NIPA1: variants seen among roughly 807,000 people sequenced by gnomAD.
NIPA1 encodes magnesium transporter NIPA1.
NIPA1 carries 13 observed loss-of-function variants against 23.9 expected under a neutral mutation model. The ratio of observed to expected loss-of-function variants is 0.54; its 90% CI spans 0.35 to 0.87. NIPA1 has a LOEUF of 0.87. Ranked by LOEUF, NIPA1 falls within the 40% of genes least tolerant of loss-of-function variation. The probability of loss-of-function intolerance (pLI) is 0.01; values close to 1 mark genes in which losing one functional copy is unlikely to be tolerated. For synonymous variants in NIPA1, 234 were observed against 202.9 expected (o/e 1.15, Z -1.30); for missense variants, 362 against 429.7 (o/e 0.84, Z 1.39).
Position 22,824,459 on chromosome 15 carries a change from T to G in NIPA1, c.*220T>G. The G allele has an allele frequency of 1.7e-6, 1 of 578,652 alleles. No homozygotes were observed. Among genetic ancestry groups the G allele is most frequent in the Non-Finnish European group, 3.1e-6 (1 of 322,744 alleles). 35.8% of individuals were successfully genotyped at this position (578,652 alleles called of 1,614,324 possible). A position where few individuals can be genotyped will look rare whatever the true frequency, so the allele number is the denominator to read the frequency against. ...TCCCCAACGGTTGCCTGGCACCATC[T>G]CTCTCTGATGAGACGAATCTCATTT... On this transcript the variant is annotated 3_prime_UTR_variant, in exon 5 of 5. Transcript: ENST00000337435. This position sits in a 1 kb window ranked among gnomAD's most constrained non-coding sequence, Gnocchi z 4.1.
At chr15:22,814,698 T>C (rs1895382704) in intron 3 of NIPA1, among the ~76,000 whole-genome samples, 1 of 152,204 alleles carries the variant, frequency 6.6e-6, no homozygotes, top group African/African-American at 2.4e-5. Context: ...AAAGTAATCA[T>C]CTGTACATGC....
At position 22,825,473 on chromosome 15, in the gene NIPA1, A is replaced by G. The variant is rs1895631720; in HGVS notation, c.*1234A>G. ...AAAGACAGTTGATTTAAGTAGCATG[A>G]GGTATTATTTTATTTGTATTCGATC... is the stretch of plus-strand genomic sequence containing the variant. On this transcript the variant is annotated 3_prime_UTR_variant, in exon 5 of 5. Transcript: ENST00000337435. The G allele has an allele frequency of 6.6e-6, 1 of 152,214 alleles. No homozygotes were observed. Among genetic ancestry groups the G allele is most frequent in the African/African-American group, 2.4e-5 (1 of 41,448 alleles). The allele number at this position is 152,214 out of a possible 1,614,324, so 9.4% of individuals were successfully genotyped here.
chr15:22,817,884 T>A (rs1406322847), intron 3 of NIPA1, among the ~76,000 whole-genome samples: 1 of 152,004 alleles, frequency 6.6e-6, no homozygotes. Context: ...CAATTTCATA[T>A]GCAGTAGCAC....
chr15:22,822,908 G>GTTT (rs59308538), intron 4 of NIPA1, among the ~76,000 whole-genome samples: 6 of 91,442 alleles, frequency 6.6e-5, no homozygotes, highest in African/African-American at 1.5e-4. Flanking sequence ...GCTGTAAATG[G>GTTT]TTTTTTTTTT....
chr15:22,811,962 A>C (rs1895325720), intron 2 of NIPA1, among the ~76,000 whole-genome samples: 1 of 152,210 alleles, frequency 6.6e-6, no homozygotes, highest in Non-Finnish European at 1.5e-5. Flanking sequence ...GAACCTACTC[A>C]CCCGACTGAT....
intron 1 of NIPA1, among the ~76,000 whole-genome samples, chr15:22,802,317 G>A (rs1227052990): frequency 6.6e-6 from 1 of 150,808 alleles, no homozygotes; most frequent in African/African-American, 2.4e-5. Context: ...ACTTGAACCC[G>A]GGAAGTGGAG....
chr15:22,791,352 T>G (rs1894821207), intron 1 of NIPA1, among the ~76,000 whole-genome samples: 1 of 152,114 alleles, frequency 6.6e-6, no homozygotes, highest in African/African-American at 2.4e-5. Flanking sequence ...GTTTAAACTC[T>G]AAATGAATTG....
At chr15:22,805,450 G>A (rs1341272931) in intron 1 of NIPA1, among the ~76,000 whole-genome samples, 1 of 152,154 alleles carries the variant, frequency 6.6e-6, no homozygotes, top group Non-Finnish European at 1.5e-5. Context: ...ACTTTGGGAG[G>A]CCGAGGTGAG....
intron 1 of NIPA1, among the ~76,000 whole-genome samples, chr15:22,794,721 C>G (rs925842939): frequency 2.0e-5 from 3 of 152,054 alleles, no homozygotes; most frequent in African/African-American, 7.2e-5. Flanking sequence ...TTTCTCATTG[C>G]CTTTCCTGTC....
chr15:22,809,009 C>G (rs186268657), intron 1 of NIPA1, among the ~76,000 whole-genome samples: 2 of 152,166 alleles, frequency 1.3e-5, no homozygotes, highest in Admixed American at 1.3e-4. Flanking sequence ...ATACTTGTAG[C>G]TCTGCTGCTC....
intron 3 of NIPA1, among the ~76,000 whole-genome samples, chr15:22,817,309 G>C (rs34083531): frequency 0.027 from 4,064 of 149,058 alleles, 161 homozygotes; most frequent in African/African-American, 0.095. Context: ...AGATCAGCCT[G>C]ACCAACGTGG....
intron 1 of NIPA1, among the ~76,000 whole-genome samples, chr15:22,790,512 G>T (rs1368491635): frequency 6.6e-6 from 1 of 151,346 alleles, no homozygotes; most frequent in Admixed American, 6.6e-5. Context: ...CACCTCCCGG[G>T]TTCAAGCGAT....
chr15:22,800,861 G>A (rs1266317192), intron 1 of NIPA1, among the ~76,000 whole-genome samples: 1 of 151,536 alleles, frequency 6.6e-6, no homozygotes, highest in Non-Finnish European at 1.5e-5. Context: ...AACCCGGGAG[G>A]TGGAGCTTGC....
intron 1 of NIPA1, among the ~76,000 whole-genome samples, chr15:22,805,764 T>C (rs1247496198): frequency 6.6e-6 from 1 of 152,190 alleles, no homozygotes; most frequent in East Asian, 1.9e-4. Context: ...GAACTAGTTA[T>C]CCACTCTTGC....
intron 4 of NIPA1, among the ~76,000 whole-genome samples, chr15:22,821,480 CCTGGTTTT>C (rs1895537439): frequency 2.8e-5 from 4 of 145,016 alleles, no homozygotes; most frequent in Admixed American, 2.1e-4. Flanking sequence ...GTCCACACTC[CCTGGTTTT>C]CATATCCACA....
intron 1 of NIPA1, among the ~76,000 whole-genome samples, chr15:22,802,036 C>T (rs945324241): frequency 6.6e-6 from 1 of 152,120 alleles, no homozygotes; most frequent in Admixed American, 6.6e-5. Context: ...AACTTTATTA[C>T]AGTGGTTAGT....
At chr15:22,787,746 T>A (rs56401292) in intron 1 of NIPA1, among the ~76,000 whole-genome samples, 36,950 of 152,098 alleles carry the variant, frequency 0.24, 5,558 homozygotes, top group South Asian at 0.36. Context: ...AAGAGCTCTC[T>A]GGGAAGGATG....
At chr15:22,823,653 G>A in intron 4 of NIPA1, 75 bp from the exon 5 acceptor site, 1 of 1,483,170 alleles carries the variant, frequency 6.7e-7, no homozygotes, top group Non-Finnish European at 9.1e-7. Flanking sequence ...GGGCCCGGGT[G>A]CTGCCCCAGT....
At chr15:22,803,841 G>A (rs1359429192) in intron 1 of NIPA1, among the ~76,000 whole-genome samples, 2 of 151,074 alleles carry the variant, frequency 1.3e-5, no homozygotes, top group African/African-American at 4.9e-5. Context: ...CACCACGCCC[G>A]GCTAATTTTT....
Sources: gnomAD v4.1 joint callset for allele counts (sites outside exome capture counted in the v4.1 genomes callset) on GRCh38, gnomAD v4.1.1 for gene constraint, Gnocchi (gnomAD v3.1) non-coding constraint, MANE v1.5 for transcripts, NCBI Gene and HGNC (gene_info 2026-07-23, HGNC 2026-07-21) for gene names.